The following ARIH1 variants were observed in gnomAD, a reference collection of about 807,000 sequenced individuals.
ARIH1 encodes ariadne RBR E3 ubiquitin protein ligase 1.
A neutral mutation model predicts 85.0 loss-of-function variants in ARIH1; 8 were observed. The ratio of observed to expected loss-of-function variants is 0.09; its 90% CI spans 0.06 to 0.17. ARIH1 has a LOEUF of 0.17. Ranked by LOEUF, ARIH1 falls within the 10% of genes least tolerant of loss-of-function variation. The pLI, the probability that ARIH1 is intolerant of heterozygous loss-of-function variation, is 1.00. For missense variants in ARIH1, 311 were observed against 718.1 expected (o/e 0.43, Z 6.48); for synonymous variants, 238 against 253.6 (o/e 0.94, Z 0.59).
chr15:72,531,764 T>TTACCTAGAA (rs1427463633), intron 2 of ARIH1, among the ~76,000 whole-genome samples: 1 of 152,174 alleles, frequency 6.6e-6, no homozygotes, highest in Non-Finnish European at 1.5e-5. Flanking sequence ...AAAATAAACC[T>TTACCTAGAA]TACCTAGAAT....
At chr15:72,575,244 G>A (rs575190697) in intron 11 of ARIH1, among the ~76,000 whole-genome samples, 4 of 152,202 alleles carry the variant, frequency 2.6e-5, no homozygotes, top group Non-Finnish European at 4.4e-5. Context: ...CTTTCAGGTC[G>A]CTGATTACAT....
intron 2 of ARIH1, among the ~76,000 whole-genome samples, chr15:72,528,069 A>G (rs564521410): frequency 6.6e-6 from 1 of 152,292 alleles, no homozygotes; most frequent in East Asian, 1.9e-4. Context: ...TAAGTTGATA[A>G]CAAGTAAAAA....
intron 1 of ARIH1, among the ~76,000 whole-genome samples, chr15:72,513,568 C>G (rs974408237): frequency 2.6e-5 from 4 of 152,100 alleles, no homozygotes; most frequent in Admixed American, 6.6e-5. Flanking sequence ...TTTACCATTT[C>G]TGTCGCTTTT....
chr15:72,496,475 T>A lies in ARIH1; in HGVS notation c.375+21461T>A, dbSNP rs112476037. The stretch of plus-strand genomic sequence containing the variant: ...CCTTCTATGGATGTGATAGTTTATG[T>A]ACCAAAGAGCAATCTCTATTTGAAG... On this transcript the variant is annotated intron_variant, in intron 1 of 13. Transcript: ENST00000379887. 3.0e-3 allele frequency among the ~76,000 whole-genome samples: 452 copies of A among 152,328 alleles called. 2 individuals are homozygous for A. Among genetic ancestry groups the A allele is most frequent in the Non-Finnish European group, 4.0e-3 (273 of 68,032 alleles).
rs1191771395 is a variant in ARIH1 at position 72,588,189 on chromosome 15, T to C, written c.*4897T>C. 1.4e-4 allele frequency: 22 copies of C among 152,268 alleles called. No individual in the cohort carries two copies. Among genetic ancestry groups the C allele is most frequent in the African/African-American group, 5.1e-4 (21 of 41,556 alleles). The allele number at this position is 152,268 out of a possible 1,614,324, so 9.4% of individuals were successfully genotyped here. ...ATAGAGTACCCTGGAGTAGATGGGCTCTGAGAGGAGCCTGTGAAATCCAGA... is the reference window on the plus strand; with the variant it reads ...ATAGAGTACCCTGGAGTAGATGGGCCCTGAGAGGAGCCTGTGAAATCCAGA... On this transcript the variant is annotated 3_prime_UTR_variant, in exon 14 of 14. Transcript: ENST00000379887.
chr15:72,537,623 C>G (rs1324903675), intron 2 of ARIH1, among the ~76,000 whole-genome samples: 1 of 151,944 alleles, frequency 6.6e-6, no homozygotes, highest in Non-Finnish European at 1.5e-5. Flanking sequence ...TAAGATATTC[C>G]TTTGCTCCTT....
In ARIH1 at chr15:72,595,808, GT is replaced by G. The variant is rs59597213; in HGVS notation, c.*12534del. 0.69 allele frequency: 84,257 copies of G among 122,424 alleles called. 33,598 individuals carry two copies. Among genetic ancestry groups the G allele is most frequent in the South Asian group, 0.9 (3,223 of 3,566 alleles). The allele number at this position is 122,424 out of a possible 1,614,324, so 7.6% of individuals were successfully genotyped here. ...TATTGCAGTGTTTTTTGTTTTTTCT[GT>G]TTTTTTTTTTTTTTTTTCATCTTTG... On this transcript the variant is annotated 3_prime_UTR_variant, in exon 14 of 14. Transcript: ENST00000379887.
At chr15:72,575,968 G>T (rs1011250296) in intron 11 of ARIH1, among the ~76,000 whole-genome samples, 7 of 152,118 alleles carry the variant, frequency 4.6e-5, no homozygotes, top group Admixed American at 6.6e-5. Context: ...CTCAACCTCT[G>T]CATTAGCTGG....
intron 2 of ARIH1, among the ~76,000 whole-genome samples, chr15:72,530,710 G>A (rs892519764): frequency 3.3e-5 from 5 of 152,048 alleles, no homozygotes; most frequent in African/African-American, 1.2e-4. Context: ...TTCAGATTTG[G>A]AAAAAAATCA....
At chr15:72,528,965 C>A (rs1315847384) in intron 2 of ARIH1, among the ~76,000 whole-genome samples, 2 of 152,118 alleles carry the variant, frequency 1.3e-5, no homozygotes, top group Non-Finnish European at 2.9e-5. Context: ...CTTTGGGAGG[C>A]CAAGGTGGGC....
intron 10 of ARIH1, 114 bp downstream of exon 10, chr15:72,570,421 A>G: frequency 7.9e-7 from 1 of 1,260,984 alleles, no homozygotes; most frequent in Non-Finnish European, 1.1e-6. Flanking sequence ...AAATAAATAC[A>G]TAGTGTGTGA....
At chr15:72,546,634 C>T (rs967199706) in intron 3 of ARIH1, among the ~76,000 whole-genome samples, 2 of 151,972 alleles carry the variant, frequency 1.3e-5, no homozygotes, top group East Asian at 1.9e-4. Context: ...AGGCGCATGC[C>T]ACCATGTCTG....
intron 1 of ARIH1, among the ~76,000 whole-genome samples, chr15:72,500,375 G>C (rs1445339552): frequency 1.3e-5 from 2 of 152,164 alleles, no homozygotes; most frequent in African/African-American, 4.8e-5. Flanking sequence ...TTACAGGTGT[G>C]AGCCACTTTA....
At chr15:72,514,016 T>C (rs2063963602) in intron 1 of ARIH1, among the ~76,000 whole-genome samples, 1 of 150,588 alleles carries the variant, frequency 6.6e-6, no homozygotes, top group African/African-American at 2.4e-5. Flanking sequence ...TTTTTTGTAG[T>C]TTTTGTAGAG....
At chr15:72,496,641 T>C (rs2063881410) in intron 1 of ARIH1, 1 of 177,934 alleles carries the variant, frequency 5.6e-6, no homozygotes, top group South Asian at 1.9e-4. Context: ...AAATACCAAG[T>C]TCAGGTATTT....
intron 2 of ARIH1, among the ~76,000 whole-genome samples, chr15:72,526,057 A>G (rs951277572): frequency 1.3e-5 from 2 of 152,242 alleles, no homozygotes; most frequent in Non-Finnish European, 2.9e-5. Context: ...GTCTACATAT[A>G]GCCCATAAGG....
At chr15:72,477,421 AAATTCCCTGTTCTCAGTTCT>A (rs2063798974) in intron 1 of ARIH1, among the ~76,000 whole-genome samples, 1 of 152,242 alleles carries the variant, frequency 6.6e-6, no homozygotes, top group Admixed American at 6.5e-5. Context: ...TTAAACATTT[AAATTCCCTGTTCTCAGTTCT>A]AATTTTCAGT....
chr15:72,545,193 C>A (rs774271876), intron 3 of ARIH1, among the ~76,000 whole-genome samples: 10 of 152,170 alleles, frequency 6.6e-5, no homozygotes, highest in Non-Finnish European at 1.2e-4. Flanking sequence ...TCCAAGTTGT[C>A]ATTTATAGAC....
intron 11 of ARIH1, among the ~76,000 whole-genome samples, chr15:72,573,052 G>A (rs550021539): frequency 1.9e-4 from 29 of 152,258 alleles, no homozygotes; most frequent in African/African-American, 7.0e-4. Context: ...ATTCCATATT[G>A]AAATTCCCCA....
Sources: gnomAD v4.1 joint callset for allele counts (sites outside exome capture counted in the v4.1 genomes callset) on GRCh38, gnomAD v4.1.1 for gene constraint, MANE v1.5 for transcripts, NCBI Gene and HGNC (gene_info 2026-07-23, HGNC 2026-07-21) for gene names.